The following WDR25 variants were observed in gnomAD, a reference collection of about 807,000 sequenced individuals.
WDR25 encodes WD repeat domain 25.
A neutral mutation model predicts 47.7 loss-of-function variants in WDR25; 35 were observed. That is an observed-to-expected ratio of 0.73 (90% confidence interval 0.56 to 0.97). The LOEUF (loss-of-function observed/expected upper bound fraction) is 0.97, where lower values mean the gene tolerates loss of function less well. Ranked by LOEUF, WDR25 falls within the 50% of genes least tolerant of loss-of-function variation. The probability of loss-of-function intolerance (pLI) is 0.00; values close to 1 mark genes in which losing one functional copy is unlikely to be tolerated. For synonymous variants in WDR25, 248 were observed against 278.9 expected (o/e 0.89, Z 1.10); for missense variants, 634 against 704.7 (o/e 0.90, Z 1.14).
intron 2 of WDR25, among the ~76,000 whole-genome samples, chr14:100,457,929 G>A (rs1248327169): frequency 6.6e-6 from 1 of 152,116 alleles, no homozygotes; most frequent in Non-Finnish European, 1.5e-5. Context: ...CAGATTTATG[G>A]TTATAAGTCT....
At chr14:100,446,607 C>T (rs993882170) in intron 2 of WDR25, among the ~76,000 whole-genome samples, 3 of 144,326 alleles carry the variant, frequency 2.1e-5, no homozygotes, top group Non-Finnish European at 4.6e-5. Flanking sequence ...TGGTAAGTAA[C>T]ACAATACCAA....
rs573931677 is a variant in WDR25, at chr14:100,392,398, T to A, written c.822+10652T>A. ...TTGGTTAGCTCTCCAAACTGTGTGA[T>A]GAAAACGTGATCCCAGGGGTCCAAG... is the stretch of plus-strand genomic sequence containing the variant. On this transcript the variant is annotated intron_variant, in intron 2 of 6. Coordinates refer to ENST00000402312, the MANE Select transcript of WDR25 (RefSeq NM_001161476.3). This position sits in a 1 kb window ranked among gnomAD's most constrained non-coding sequence, Gnocchi z 4.2. Among the ~76,000 whole-genome samples the A allele has an allele frequency of 6.6e-6, 1 of 151,892 alleles. No homozygotes were observed. Among genetic ancestry groups the A allele is most frequent in the East Asian group, 1.9e-4 (1 of 5,136 alleles).
chr14:100,414,758 G>T (rs1897821884), intron 2 of WDR25, among the ~76,000 whole-genome samples: 1 of 152,080 alleles, frequency 6.6e-6, no homozygotes, highest in Non-Finnish European at 1.5e-5. Context: ...GAGCAACGAG[G>T]TGACACCATC....
intron 4 of WDR25, among the ~76,000 whole-genome samples, chr14:100,490,745 G>A (rs1049043609): frequency 2.0e-5 from 3 of 152,254 alleles, no homozygotes; most frequent in African/African-American, 7.2e-5. Context: ...TTGCACTCCT[G>A]TGATGGTGGC....
At chr14:100,423,899 G>A (rs140030817) in intron 2 of WDR25, among the ~76,000 whole-genome samples, 221 of 152,306 alleles carry the variant, frequency 1.5e-3, no homozygotes, top group African/African-American at 5.2e-3. Context: ...TGGGTGCAGC[G>A]TGTCCTGAAA....
rs555463843 is a variant in WDR25 at position 100,519,723 on chromosome 14, CTATA to C, written c.1102-6142_1102-6139del. Among the ~76,000 whole-genome samples the C allele has an allele frequency of 1.8e-3, 247 of 136,172 alleles. 2 individuals carry two copies. Among genetic ancestry groups the C allele is most frequent in the African/African-American group, 6.5e-3 (235 of 36,228 alleles). The allele number at this position is 136,172 out of a possible 152,430, so 89.3% of individuals were successfully genotyped here. Reference sequence around the variant, plus strand: ...ATATAGTATATATAGTGTATATATACTATATATAGTGTATATATAGTATATATAT... The same window carrying C: ...ATATAGTATATATAGTGTATATATACTATAGTGTATATATAGTATATATAT... On this transcript the variant is annotated intron_variant, in intron 4 of 6. Coordinates refer to ENST00000402312, the MANE Select transcript of WDR25 (RefSeq NM_001161476.3).
intron 2 of WDR25, among the ~76,000 whole-genome samples, chr14:100,390,791 C>T (rs1201588138): frequency 1.3e-5 from 2 of 152,186 alleles, no homozygotes; most frequent in Admixed American, 6.5e-5. Flanking sequence ...CTGACACACA[C>T]CATCATTTAT....
chr14:100,505,326 A>G (rs1409510560), intron 4 of WDR25, among the ~76,000 whole-genome samples: 1 of 152,198 alleles, frequency 6.6e-6, no homozygotes, highest in African/African-American at 2.4e-5. Flanking sequence ...TTGTTTTGGC[A>G]GCATTTGTTG....
chr14:100,425,509 G>A lies in WDR25; in HGVS notation c.823-42512G>A, dbSNP rs1898142124. 6.6e-6 allele frequency among the ~76,000 whole-genome samples: 1 copy of A among 152,182 alleles called. No homozygotes were observed. Among genetic ancestry groups the A allele is most frequent in the Non-Finnish European group, 1.5e-5 (1 of 68,034 alleles). ...TAGACTGTGAAATATGTTTGATGGG[G>A]AAAGATACCCGGGACAGAACCCGAC... On this transcript the variant is annotated intron_variant, in intron 2 of 6. Coordinates refer to ENST00000402312, the MANE Select transcript of WDR25 (RefSeq NM_001161476.3). This position sits in a 1 kb window ranked among gnomAD's most constrained non-coding sequence, Gnocchi z 4.8.
intron 4 of WDR25, among the ~76,000 whole-genome samples, chr14:100,519,968 T>C (rs1901659103): frequency 6.9e-6 from 1 of 145,300 alleles, no homozygotes; most frequent in Non-Finnish European, 1.5e-5. Context: ...ATATAGTATA[T>C]ATATGGTATA....
chr14:100,399,084 C>CTT (rs113216699), intron 2 of WDR25, among the ~76,000 whole-genome samples: 4 of 148,752 alleles, frequency 2.7e-5, no homozygotes, highest in African/African-American at 7.4e-5. Flanking sequence ...TTCCTTTTTT[C>CTT]TTTTTTTTTT....
chr14:100,423,513 C>T (rs997175183), intron 2 of WDR25, among the ~76,000 whole-genome samples: 4 of 152,130 alleles, frequency 2.6e-5, no homozygotes, highest in African/African-American at 7.2e-5. Flanking sequence ...GTTTAGGAAA[C>T]GTGTTGAACC....
rs146540566 is a variant in WDR25 at position 100,482,820 on chromosome 14, G to A, written c.971-1174G>A. On this transcript the variant is annotated intron_variant, in intron 3 of 6. Coordinates refer to ENST00000402312, the MANE Select transcript of WDR25 (RefSeq NM_001161476.3). ...CCTCGGTGTCTTCATGGTCTTCTTCGCCACCAGCTTCCCGTGTCCCTAAGT... is the reference window on the plus strand; with the variant it reads ...CCTCGGTGTCTTCATGGTCTTCTTCACCACCAGCTTCCCGTGTCCCTAAGT... 4.1e-4 allele frequency among the ~76,000 whole-genome samples: 63 copies of A among 152,292 alleles called. 1 individual carries two copies. In the East Asian group the frequency reaches 9.3e-3, roughly 22 times the overall value.
chr14:100,470,832 A>G (rs1267069608), intron 3 of WDR25, among the ~76,000 whole-genome samples: 2 of 152,184 alleles, frequency 1.3e-5, no homozygotes, highest in Non-Finnish European at 2.9e-5. Context: ...TTGGGTGTGT[A>G]AAGAAAAGCA....
chr14:100,435,886 G>GAGTGACGCCGA (rs1441379437), intron 2 of WDR25, among the ~76,000 whole-genome samples: 4 of 152,182 alleles, frequency 2.6e-5, no homozygotes, highest in African/African-American at 9.7e-5. Context: ...CCAGGGAGAA[G>GAGTGACGCCGA]AGTGACGCCT....
At chr14:100,431,465 T>C (rs146662434) in intron 2 of WDR25, among the ~76,000 whole-genome samples, 2 of 152,328 alleles carry the variant, frequency 1.3e-5, no homozygotes, top group East Asian at 1.9e-4. Flanking sequence ...ACTGAATTAA[T>C]ATTGAGGATG....
At chr14:100,482,395 T>C (rs866299846) in intron 3 of WDR25, among the ~76,000 whole-genome samples, 1 of 152,240 alleles carries the variant, frequency 6.6e-6, no homozygotes, top group Non-Finnish European at 1.5e-5. Context: ...AATATTGACT[T>C]TTATCCTTGC....
chr14:100,529,761 G>A lies in WDR25; in HGVS notation c.1414-59G>A, dbSNP rs2030384631. 5 of 1,551,830 alleles carry A rather than the reference G, an allele frequency of 3.2e-6. No individual in the cohort carries two copies. The highest frequency in any genetic ancestry group is 1.2e-5 in the South Asian group (1 of 84,086). ...TTCAGCCTGCTCCTCTGTAGAATGG[G>A]CATACTCACCCCGGCTTGACAGGTG... On this transcript the variant is annotated intron_variant, in intron 6 of 6. Transcript: ENST00000402312. The surrounding 1 kb of genome is among the most constrained non-coding windows in gnomAD (Gnocchi z 5.1).
At chr14:100,528,115 G>A (rs974581809) in intron 5 of WDR25, among the ~76,000 whole-genome samples, 2 of 152,166 alleles carry the variant, frequency 1.3e-5, no homozygotes, top group Non-Finnish European at 2.9e-5. Flanking sequence ...GGGGAGATGG[G>A]CATGTAGATT....
Sources: allele counts gnomAD v4.1 joint callset (sites outside exome capture counted in the v4.1 genomes callset), GRCh38; gene constraint gnomAD v4.1.1; non-coding constraint Gnocchi (gnomAD v3.1); transcripts MANE v1.5; gene names NCBI Gene and HGNC (gene_info 2026-07-23, HGNC 2026-07-21).